The following IGSF10 variants were observed in gnomAD, a reference collection of about 807,000 sequenced individuals.
IGSF10 encodes the protein calvaria mechanical force protein 608.
In IGSF10, 126 loss-of-function variants were observed where a neutral mutation model predicts 128.2. The observed-to-expected ratio is 0.98, with a 90% CI of 0.85 to 1.14. IGSF10 has a LOEUF of 1.14. Ranked by LOEUF, IGSF10 falls within the 50% of genes most tolerant of loss-of-function variation. IGSF10 has a pLI of 0.00. For missense variants in IGSF10, 3,295 were observed against 3,149.8 expected (o/e 1.05, Z -1.10); for synonymous variants, 1,185 against 1,146.2 (o/e 1.03, Z -0.68).
At chr3:151,550,667 C>T in the IGSF10 span, among the ~76,000 whole-genome samples, 3 of 151,996 alleles carry the variant, frequency 2.0e-5, no homozygotes, top group Non-Finnish European at 4.4e-5. Flanking sequence ...TTGGTCATTA[C>T]GATTTTTTTC....
chr3:151,490,598 A>C, the IGSF10 span, among the ~76,000 whole-genome samples: 1 of 152,090 alleles, frequency 6.6e-6, no homozygotes, highest in Non-Finnish European at 1.5e-5. Context: ...TTCATAAAAC[A>C]TTCTCCATGA....
chr3:151,580,638 AAACT>A, the IGSF10 span, among the ~76,000 whole-genome samples: 10 of 152,354 alleles, frequency 6.6e-5, no homozygotes, highest in Non-Finnish European at 8.8e-5. Flanking sequence ...ACCATCTGAC[AAACT>A]AACTAACAAA....
At chr3:151,586,875 A>G in the IGSF10 span, among the ~76,000 whole-genome samples, 9 of 152,272 alleles carry the variant, frequency 5.9e-5, 1 homozygote, top group South Asian at 2.1e-4. Flanking sequence ...AGAGGGGGGG[A>G]AAACACAAAA....
At chr3:151,544,837 A>G in the IGSF10 span, among the ~76,000 whole-genome samples, 1 of 151,818 alleles carries the variant, frequency 6.6e-6, no homozygotes, top group Admixed American at 6.6e-5. Context: ...TTTTACTTCT[A>G]TGATGATTCT....
At chr3:151,569,686 A>T in the IGSF10 span, among the ~76,000 whole-genome samples, 1 of 152,184 alleles carries the variant, frequency 6.6e-6, no homozygotes, top group African/African-American at 2.4e-5. Flanking sequence ...ATATTAAAGA[A>T]TTTGTGAATA....
the IGSF10 span, among the ~76,000 whole-genome samples, chr3:151,581,039 T>C: frequency 6.6e-6 from 1 of 152,112 alleles, no homozygotes; most frequent in Non-Finnish European, 1.5e-5. Context: ...AGCTATTTTG[T>C]TGTATAATCT....
intron 6 of IGSF10, among the ~76,000 whole-genome samples, chr3:151,444,681 T>C (rs991757918): frequency 6.6e-6 from 1 of 152,232 alleles, no homozygotes; most frequent in Non-Finnish European, 1.5e-5. Flanking sequence ...TCTCTCTTTT[T>C]CAAATCATAT....
the IGSF10 span, among the ~76,000 whole-genome samples, chr3:151,614,372 G>A: frequency 1.3e-5 from 2 of 152,138 alleles, no homozygotes; most frequent in Admixed American, 6.5e-5. Flanking sequence ...ACATGCACAC[G>A]TATGTTTATA....
At chr3:151,510,289 C>A in the IGSF10 span, among the ~76,000 whole-genome samples, 1 of 151,992 alleles carries the variant, frequency 6.6e-6, no homozygotes, top group Non-Finnish European at 1.5e-5. Flanking sequence ...TCCAGAGGAA[C>A]GATCAGGCAG....
chr3:151,464,821 G>C (rs190660352), upstream of IGSF10, among the ~76,000 whole-genome samples: 1 of 152,170 alleles, frequency 6.6e-6, no homozygotes, highest in East Asian at 1.9e-4. Flanking sequence ...GCCATGAAGA[G>C]ACATAATGCA....
chr3:151,478,353 G>A, the IGSF10 span, among the ~76,000 whole-genome samples: 17 of 152,322 alleles, frequency 1.1e-4, no homozygotes, highest in Admixed American at 7.8e-4. Flanking sequence ...ATACAAAAGG[G>A]AACAGTTTAA....
chr3:151,443,893 A>G lies in IGSF10; in HGVS notation c.5063-9T>C, dbSNP rs1721026520. On this transcript the variant is annotated splice_polypyrimidine_tract_variant and intron_variant, in intron 6 of 7. Coordinates refer to ENST00000282466, the MANE Select transcript of IGSF10 (RefSeq NM_178822.5). ...CTTAGATAAATCAAGTCCTGAGAAG[A>G]AAAAAAGAAAATTATTGCTACGGGT... is the stretch of plus-strand genomic sequence containing the variant. The G allele has an allele frequency of 1.3e-6, 2 of 1,559,714 alleles. No individual in the cohort carries two copies. Among genetic ancestry groups the G allele is most frequent in the Non-Finnish European group, 8.7e-7 (1 of 1,152,548 alleles).
At chr3:151,466,695 T>C in the IGSF10 span, among the ~76,000 whole-genome samples, 3 of 152,004 alleles carry the variant, frequency 2.0e-5, no homozygotes, top group Non-Finnish European at 4.4e-5. Flanking sequence ...TCTCCTGCCT[T>C]CGCCTCCCGA....
At chr3:151,474,249 C>T in the IGSF10 span, among the ~76,000 whole-genome samples, 7 of 152,100 alleles carry the variant, frequency 4.6e-5, no homozygotes, top group Non-Finnish European at 8.8e-5. Flanking sequence ...CCCCTGATTT[C>T]GTTACTACAG....
the IGSF10 span, among the ~76,000 whole-genome samples, chr3:151,488,211 C>G: frequency 5.3e-4 from 81 of 152,212 alleles, no homozygotes; most frequent in African/African-American, 1.9e-3. Flanking sequence ...TGAGTGAACT[C>G]CCATTCACAA....
chr3:151,485,074 T>C, the IGSF10 span, among the ~76,000 whole-genome samples: 1 of 152,156 alleles, frequency 6.6e-6, no homozygotes, highest in African/African-American at 2.4e-5. Flanking sequence ...GATGAATTGC[T>C]AACTATAATA....
the IGSF10 span, among the ~76,000 whole-genome samples, chr3:151,546,508 T>C: frequency 1.4e-5 from 2 of 146,864 alleles, no homozygotes. Flanking sequence ...CAACCATGCC[T>C]GGCTAATTTT....
chr3:151,606,473 A>C, the IGSF10 span, among the ~76,000 whole-genome samples: 1 of 152,354 alleles, frequency 6.6e-6, no homozygotes, highest in Admixed American at 6.5e-5. Context: ...TGGTAACATA[A>C]GCCTGTACCC....
chr3:151,571,566 A>G, the IGSF10 span, among the ~76,000 whole-genome samples: 1 of 152,090 alleles, frequency 6.6e-6, no homozygotes, highest in African/African-American at 2.4e-5. Flanking sequence ...TTGCACATTG[A>G]TTTTGTATCC....
Sources: allele counts gnomAD v4.1 joint callset (sites outside exome capture counted in the v4.1 genomes callset), GRCh38; gene constraint gnomAD v4.1.1; transcripts MANE v1.5; gene names NCBI Gene and HGNC (gene_info 2026-07-23, HGNC 2026-07-21).